Variants in GGH observed in about 807,000 individuals in gnomAD.
The protein encoded by GGH is gamma-Glu-X carboxypeptidase.
Under a neutral mutation model 39.2 loss-of-function variants are expected in GGH, and 18 were observed. The observed-to-expected ratio is 0.46, with a 90% confidence interval of 0.32 to 0.68. The LOEUF is 0.68. Ranked by LOEUF, GGH falls within the 30% of genes least tolerant of loss-of-function variation. The pLI is 0.04. For missense variants in GGH, 367 were observed against 384.1 expected, an observed-to-expected ratio of 0.96 and a Z score of 0.37; for synonymous variants, 147 against 138.8, an observed-to-expected ratio of 1.06 and a Z score of -0.42.
chr8:63,032,589 C>T (rs1804825786), intron 2 of GGH, among the ~76,000 whole-genome samples: 1 of 152,180 alleles, frequency 6.6e-6, no homozygotes, highest in Non-Finnish European at 1.5e-5. Context: ...TCTTCCTTTT[C>T]ACTTCTAAAC....
intron 7 of GGH, among the ~76,000 whole-genome samples, chr8:63,019,536 G>C (rs1454334819): frequency 6.6e-6 from 1 of 152,162 alleles, no homozygotes; most frequent in Admixed American, 6.5e-5. Context: ...TCAAAGCAAT[G>C]GCTACCAAGA....
chr8:63,025,019 C>A (rs749595632), intron 5 of GGH: 2 of 152,194 alleles, frequency 1.3e-5, no homozygotes, highest in Non-Finnish European at 2.9e-5. Flanking sequence ...CTTGCAAAAT[C>A]CCTATGAGAA....
chr8:63,029,183 A>G (rs897912177), intron 3 of GGH, among the ~76,000 whole-genome samples: 1 of 152,206 alleles, frequency 6.6e-6, no homozygotes, highest in African/African-American at 2.4e-5. Flanking sequence ...CCAATCAGAA[A>G]CAACTGCCAT....
intron 8 of GGH, 108 bp downstream of exon 8, chr8:63,017,385 T>C: frequency 4.4e-6 from 3 of 682,020 alleles, no homozygotes; most frequent in South Asian, 1.9e-5. Context: ...GTTAAACCTA[T>C]AGAACTTACA....
chr8:63,031,095 G>T (rs577860901), intron 2 of GGH, among the ~76,000 whole-genome samples: 1 of 152,298 alleles, frequency 6.6e-6, no homozygotes, highest in South Asian at 2.1e-4. Context: ...TGCCCTAAAA[G>T]AAGTAGACTT....
At chr8:63,022,238 C>G (rs190867699) in intron 7 of GGH, among the ~76,000 whole-genome samples, 1 of 152,036 alleles carries the variant, frequency 6.6e-6, no homozygotes, top group East Asian at 1.9e-4. Flanking sequence ...TTTCTAAAAC[C>G]TTATTGTAGT....
At chr8:63,026,375 C>A in intron 4 of GGH, 79 bp from the exon 5 acceptor site, 2 of 1,031,606 alleles carry the variant, frequency 1.9e-6, no homozygotes, top group Non-Finnish European at 2.9e-6. Flanking sequence ...TTGTCATAAC[C>A]AAATAGGCAC....
chr8:63,031,884 T>C (rs1384203613), intron 2 of GGH, among the ~76,000 whole-genome samples: 5 of 152,200 alleles, frequency 3.3e-5, no homozygotes, highest in African/African-American at 1.2e-4. Flanking sequence ...TTAAGCCTGG[T>C]GATGATGGCA....
At chr8:63,033,401 C>A (rs961328354) in intron 2 of GGH, among the ~76,000 whole-genome samples, 1 of 152,194 alleles carries the variant, frequency 6.6e-6, no homozygotes. Flanking sequence ...TGTTGAGAGG[C>A]TCTTGATTAC....
chr8:63,026,001 C>G (rs974983348), intron 5 of GGH, among the ~76,000 whole-genome samples, 157 bp downstream of exon 5: 1 of 152,192 alleles, frequency 6.6e-6, no homozygotes, highest in Non-Finnish European at 1.5e-5. Context: ...ACATCTTCAA[C>G]CTGTGTAAAT....
In GGH at chr8:63,027,215, T is replaced by A. The variant is rs780793720; in HGVS notation, c.326A>T (p.Lys109Ile). The change falls in exon 4 of 9, where the codon AAA becomes ATA. Residue 109 changes from lysine (K) to isoleucine (I), a missense_variant. Lys to Ile is a moderately radical substitution (Grantham distance 102). Transcript: ENST00000260118. ...SVDLRRSDYA[K>I]VAKIFYNLSI... ...CAAGTTATAAAATATTTTGGCCACT[T>A]TAGCATAATCTGAGCGTCTGAGGTC... 6 of 1,580,970 alleles carry A rather than the reference T, an allele frequency of 3.8e-6. No homozygotes were observed. Among genetic ancestry groups the A allele is most frequent in the Non-Finnish European group, 5.2e-6 (6 of 1,149,964 alleles).
intron 2 of GGH, among the ~76,000 whole-genome samples, chr8:63,031,469 C>A (rs1471369114): frequency 6.6e-6 from 1 of 152,078 alleles, no homozygotes; most frequent in Non-Finnish European, 1.5e-5. Context: ...CAGATTGTGG[C>A]AACAAAAAGG....
intron 1 of GGH, among the ~76,000 whole-genome samples, chr8:63,037,075 T>C (rs1051419418): frequency 5.9e-5 from 9 of 152,212 alleles, no homozygotes; most frequent in African/African-American, 2.2e-4. Flanking sequence ...ACACTTTCAG[T>C]GTCTCTGTAG....
intron 2 of GGH, among the ~76,000 whole-genome samples, chr8:63,034,187 G>A (rs1461658465): frequency 2.0e-5 from 3 of 151,456 alleles, no homozygotes; most frequent in African/African-American, 7.3e-5. Context: ...TAAAACTCTG[G>A]CGTTATATGG....
chr8:63,017,591 T>C lies in GGH; in HGVS notation c.737A>G (p.Glu246Gly). The C allele has an allele frequency of 6.2e-7, 1 of 1,605,962 alleles. No homozygotes were observed. The highest frequency in any genetic ancestry group is 8.5e-7 in the Non-Finnish European group (1 of 1,172,634). ...ATTCTTCCACTCATAAGGTGCTTTC[T>C]CTGGATGCCACTGGACACCATATAC... The part of the protein sequence containing the change: ...YPVYGVQWHP[E>G]KAPYEWKNLD... The change falls in exon 8 of 9, where the codon GAG becomes GGG. Residue 246 changes from glutamate (E) to glycine (G), a missense_variant. Physicochemically the swap from Glu to Gly is moderately conservative, Grantham distance 98. Transcript: ENST00000260118.
chr8:63,030,091 TTA>T lies in GGH; in HGVS notation c.275+74_275+75del, dbSNP rs879707806. On this transcript the variant is annotated intron_variant, in intron 3 of 8. Transcript: ENST00000260118. ...AGTTACATAGAAACATGTATAATAT[TTA>T]TATGATTTCTTTTACAAAAGCAGAC... The T allele has an allele frequency of 6.0e-4, 423 of 706,594 alleles. 2 individuals are homozygous for T. Among genetic ancestry groups the T allele is most frequent in the Middle Eastern group, 2.0e-3 (8 of 4,042 alleles). 43.8% of individuals were successfully genotyped at this position (706,594 alleles called of 1,614,324 possible). A position where few individuals can be genotyped will look rare whatever the true frequency, so the allele number is the denominator to read the frequency against.
chr8:63,038,773 C>G lies in GGH; in HGVS notation c.-5G>C, dbSNP rs977359112. ...CAGGCAGCCCGGACTGGCCATGGCG[C>G]TCGCCGCCTCCCGCCGCCTTTCAAA... On this transcript the variant is annotated 5_prime_UTR_variant, in exon 1 of 9. Transcript: ENST00000260118. 3 of 1,513,474 alleles carry G rather than the reference C, an allele frequency of 2.0e-6. No homozygotes were observed. Among genetic ancestry groups the G allele is most frequent in the Admixed American group, 2.1e-5 (1 of 47,478 alleles). The allele number at this position is 1,513,474 out of a possible 1,614,324, so 93.8% of individuals were successfully genotyped here. A position where few individuals can be genotyped will look rare whatever the true frequency, so the allele number is the denominator to read the frequency against.
intron 5 of GGH, among the ~76,000 whole-genome samples, chr8:63,025,712 CAGAG>C (rs944554213): frequency 5.2e-4 from 79 of 151,536 alleles, no homozygotes; most frequent in African/African-American, 1.8e-3. Context: ...GACTGAGTGA[CAGAG>C]AGAGACTCTG....
intron 8 of GGH, 150 bp from the exon 9 acceptor site, chr8:63,015,603 T>C (rs540154298): frequency 3.5e-5 from 14 of 405,602 alleles, no homozygotes; most frequent in African/African-American, 2.7e-4. Flanking sequence ...AGAACAGCCA[T>C]CTTTTTTTTT....
Sources: allele counts gnomAD v4.1 joint callset (sites outside exome capture counted in the v4.1 genomes callset), GRCh38; gene constraint gnomAD v4.1.1; transcripts MANE v1.5; gene names NCBI Gene and HGNC (gene_info 2026-07-23, HGNC 2026-07-21).